The following NDRG3 variants were observed in gnomAD, a reference collection of about 807,000 sequenced individuals.
NDRG3 encodes NDRG family member 3, also known as protein NDRG3.
Under a neutral mutation model 57.2 loss-of-function variants are expected in NDRG3, and 23 were observed. That is an observed-to-expected ratio of 0.40 (90% confidence interval 0.29 to 0.57). The LOEUF (loss-of-function observed/expected upper bound fraction) is 0.57. Among genes scored for constraint, NDRG3 ranks in the 20% least tolerant of loss-of-function variants. The probability of loss-of-function intolerance (pLI) is 0.42; values close to 1 mark genes in which losing one functional copy is unlikely to be tolerated. For missense variants in NDRG3, 384 were observed against 457.3 expected, an observed-to-expected ratio of 0.84 and a Z score of 1.46; for synonymous variants, 132 against 162.6, an observed-to-expected ratio of 0.81 and a Z score of 1.43.
At chr20:36,693,735 T>C (rs1408945325) in intron 3 of NDRG3, among the ~76,000 whole-genome samples, 1 of 151,800 alleles carries the variant, frequency 6.6e-6, no homozygotes, top group African/African-American at 2.4e-5. Flanking sequence ...GAGAATCTAA[T>C]GCCTGATGAT....
intron 1 of NDRG3, among the ~76,000 whole-genome samples, chr20:36,741,146 T>C (rs1600983306): frequency 6.6e-6 from 1 of 152,208 alleles, no homozygotes; most frequent in African/African-American, 2.4e-5. Context: ...GAATCTCCCA[T>C]TTGGCCTTTT....
chr20:36,676,423 CTTT>C (rs955735090), intron 8 of NDRG3, among the ~76,000 whole-genome samples: 1 of 152,092 alleles, frequency 6.6e-6, no homozygotes, highest in Non-Finnish European at 1.5e-5. Context: ...TGGTTCAAAA[CTTT>C]TTCTAACCTA....
At chr20:36,665,938 C>T (rs1392730322) in intron 10 of NDRG3, among the ~76,000 whole-genome samples, 1 of 152,134 alleles carries the variant, frequency 6.6e-6, no homozygotes, top group East Asian at 1.9e-4. Context: ...AAGAGAATGA[C>T]TTACACTTTG....
At chr20:36,701,768 G>A (rs899701782) in intron 3 of NDRG3, among the ~76,000 whole-genome samples, 2 of 149,628 alleles carry the variant, frequency 1.3e-5, no homozygotes, top group Non-Finnish European at 1.5e-5. Context: ...GGCTGGTTTC[G>A]AACTCCTGAC....
intron 2 of NDRG3, among the ~76,000 whole-genome samples, chr20:36,709,494 C>T (rs750582153): frequency 6.6e-6 from 1 of 152,100 alleles, no homozygotes; most frequent in Non-Finnish European, 1.5e-5. Flanking sequence ...ACCGAATTCA[C>T]AAAAAGTCTG....
At chr20:36,687,644 G>A (rs759171173) in intron 4 of NDRG3, 32 bp from the exon 5 acceptor site, 1 of 1,601,076 alleles carries the variant, frequency 6.2e-7, no homozygotes, top group South Asian at 1.1e-5. Flanking sequence ...TAAGTCACAG[G>A]CTCTCCATAT....
chr20:36,732,715 G>A (rs571384889), intron 1 of NDRG3, among the ~76,000 whole-genome samples: 3 of 152,162 alleles, frequency 2.0e-5, no homozygotes, highest in East Asian at 3.9e-4. Flanking sequence ...AGGGTCAACC[G>A]CTTGCTGGAG....
Position 36,714,606 on chromosome 20 carries a change from G to GT in NDRG3, c.57+7072dup, listed in dbSNP as rs1158592590. Reference sequence around the variant, plus strand: ...TGTGCCATCATGCCTGGCTAATTTTGTTTTTTTTTGTTTGTTTGTTTTTTT... The same window carrying GT: ...TGTGCCATCATGCCTGGCTAATTTTGTTTTTTTTTTGTTTGTTTGTTTTTTT... On this transcript the variant is annotated intron_variant, in intron 2 of 15. Coordinates refer to ENST00000349004, the MANE Select transcript of NDRG3 (RefSeq NM_032013.4). Among the ~76,000 whole-genome samples, 542 of 144,522 alleles carry GT rather than the reference G, an allele frequency of 3.8e-3. 1 individual carries two copies. Among genetic ancestry groups the GT allele is most frequent in the Middle Eastern group, 7.0e-3 (2 of 286 alleles). The allele number at this position is 144,522 out of a possible 152,430, so 94.8% of individuals were successfully genotyped here.
chr20:36,687,434 GC>G (rs1223658582), intron 5 of NDRG3, 57 bp downstream of exon 5: 2 of 1,585,680 alleles, frequency 1.3e-6, no homozygotes, highest in African/African-American at 2.7e-5. Context: ...TCCCACTGGA[GC>G]TCAGCCAGTT....
At chr20:36,668,772 ATAGT>A (rs1328493084) in intron 9 of NDRG3, 2 of 151,206 alleles carry the variant, frequency 1.3e-5, no homozygotes, top group African/African-American at 2.4e-5. Context: ...ATGTACATAC[ATAGT>A]TATATATATA....
At chr20:36,739,902 TC>T in intron 1 of NDRG3, among the ~76,000 whole-genome samples, 1 of 107,862 alleles carries the variant, frequency 9.3e-6, no homozygotes, top group Non-Finnish European at 1.7e-5. Context: ...AGAGCGAGAC[TC>T]CGTCTCAAAA....
chr20:36,680,987 A>T (rs1600887949), intron 7 of NDRG3, 85 bp from the exon 8 acceptor site: 1 of 1,087,066 alleles, frequency 9.2e-7, no homozygotes. Context: ...ATCAATTCTT[A>T]CTTACATGCC....
At chr20:36,700,468 C>T in intron 3 of NDRG3, 1 of 532,126 alleles carries the variant, frequency 1.9e-6, no homozygotes, top group Non-Finnish European at 3.9e-6. Flanking sequence ...TTTTTCGTGA[C>T]CTTGTGAATG....
Position 36,665,228 on chromosome 20 carries a change from G to C in NDRG3, c.758+8C>G. 2 of 1,613,882 alleles carry C rather than the reference G, an allele frequency of 1.2e-6. No homozygotes were observed. Among genetic ancestry groups the C allele is most frequent in the Non-Finnish European group, 1.7e-6 (2 of 1,179,806 alleles). ...TGGCAAGTCAGCTGAGGAAACTGAG[G>C]AACTTACTTTAATGTTTTTGATTTG... On this transcript the variant is annotated splice_region_variant and intron_variant, in intron 11 of 15. Transcript: ENST00000349004.
intron 7 of NDRG3, among the ~76,000 whole-genome samples, chr20:36,681,711 C>A (rs893416100): frequency 6.1e-5 from 9 of 147,718 alleles, no homozygotes; most frequent in African/African-American, 1.7e-4. Flanking sequence ...ATTTAATTTT[C>A]TTTTTGAGAC....
intron 1 of NDRG3, among the ~76,000 whole-genome samples, chr20:36,744,972 G>T (rs534600216): frequency 6.6e-6 from 1 of 150,954 alleles, no homozygotes; most frequent in African/African-American, 2.5e-5. Flanking sequence ...GGGTAAGGGG[G>T]GGGGGGGGCG....
rs183653066 is a variant in NDRG3, at chr20:36,667,565, C to G, written c.589-1173G>C. On this transcript the variant is annotated intron_variant, in intron 9 of 15. Transcript: ENST00000349004. The stretch of plus-strand genomic sequence containing the variant: ...GTTTAATGGTCACTCTGTTGCTGGC[C>G]TTCTCAGATGTCATCAGAGCTAGCT... 5.3e-4 allele frequency among the ~76,000 whole-genome samples: 81 copies of G among 152,332 alleles called. 1 individual carries two copies. The highest frequency in any genetic ancestry group is 1.8e-3 in the African/African-American group (75 of 41,578).
rs146820696 is a variant in NDRG3 at position 36,708,078 on chromosome 20, C to T, written c.58-1071G>A. The stretch of plus-strand genomic sequence containing the variant: ...CAGCCTGGGCAACAGAGTGAGACTC[C>T]ATTTCAAAAAAAGGAAAAAAAAAAA... On this transcript the variant is annotated intron_variant, in intron 2 of 15. Transcript: ENST00000349004. Among the ~76,000 whole-genome samples, 657 of 150,164 alleles carry T rather than the reference C, an allele frequency of 4.4e-3. 6 individuals are homozygous for T. Among genetic ancestry groups the T allele is most frequent in the African/African-American group, 0.015 (623 of 40,870 alleles).
At chr20:36,720,580 T>C (rs1417918238) in intron 2 of NDRG3, among the ~76,000 whole-genome samples, 2 of 152,096 alleles carry the variant, frequency 1.3e-5, no homozygotes, top group African/African-American at 4.8e-5. Flanking sequence ...AAATGTGGTA[T>C]ATTACTGACA....
Sources: allele counts gnomAD v4.1 joint callset (sites outside exome capture counted in the v4.1 genomes callset), GRCh38; gene constraint gnomAD v4.1.1; transcripts MANE v1.5; gene names NCBI Gene and HGNC (gene_info 2026-07-23, HGNC 2026-07-21).